The following BTF3 variants were observed in gnomAD, a reference collection of about 807,000 sequenced individuals.
BTF3 encodes the protein transcription factor BTF3.
Under a neutral mutation model 23.9 loss-of-function variants are expected in BTF3, and 12 were observed. The observed-to-expected ratio is 0.50, with a 90% CI of 0.32 to 0.81. BTF3 has a LOEUF of 0.81. BTF3 is among the 40% of genes least tolerant of loss of function. The pLI is 0.03. For synonymous variants in BTF3, 96 were observed against 94.8 expected, an observed-to-expected ratio of 1.01 and a Z score of -0.07; for missense variants, 215 against 255.9, an observed-to-expected ratio of 0.84 and a Z score of 1.09.
chr5:73,503,851 G>A (rs986942231), intron 4 of BTF3, among the ~76,000 whole-genome samples: 2 of 152,100 alleles, frequency 1.3e-5, no homozygotes, highest in African/African-American at 2.4e-5. Context: ...TCCTGTGTAC[G>A]TTCATATTCT....
intron 2 of BTF3, chr5:73,499,539 G>A (rs1213710616): frequency 1.0e-5 from 4 of 394,398 alleles, no homozygotes; most frequent in African/African-American, 8.3e-5. Flanking sequence ...GTTTTGGCCT[G>A]AGTTTTCTAA....
intron 3 of BTF3, 135 bp from the exon 4 acceptor site, chr5:73,502,781 A>T (rs960745487): frequency 2.2e-6 from 2 of 922,222 alleles, no homozygotes; most frequent in African/African-American, 3.3e-5. Context: ...CTATTAGAAT[A>T]CATATTCCAT....
intron 1 of BTF3, 135 bp downstream of exon 1, chr5:73,498,934 G>T: frequency 1.5e-6 from 2 of 1,377,496 alleles, no homozygotes; most frequent in Non-Finnish European, 1.9e-6. Flanking sequence ...AGAGCGGGGA[G>T]CTGTGGGGGA....
At chr5:73,499,906 A>G (rs1228775406) in intron 2 of BTF3, among the ~76,000 whole-genome samples, 1 of 152,304 alleles carries the variant, frequency 6.6e-6, no homozygotes, top group Non-Finnish European at 1.5e-5. Context: ...ACAGAGGTCT[A>G]CCTAGTTTGT....
At position 73,498,660 on chromosome 5, in the gene BTF3, G is replaced by A. The variant is rs760256228; in HGVS notation, c.-8G>A. 2.7e-6 allele frequency: 4 copies of A among 1,505,536 alleles called. No homozygotes were observed. The allele number at this position is 1,505,536 out of a possible 1,614,324, so 93.3% of individuals were successfully genotyped here. A position where few individuals can be genotyped will look rare whatever the true frequency, so the allele number is the denominator to read the frequency against. Reference sequence around the variant, plus strand: ...GGGAGGGACAGGGCAGAGGAGGAGAGGAAGGCGATGCGACGGACAGGCGCA... The same window carrying A: ...GGGAGGGACAGGGCAGAGGAGGAGAAGAAGGCGATGCGACGGACAGGCGCA... On this transcript the variant is annotated 5_prime_UTR_variant, in exon 1 of 6. Coordinates refer to ENST00000380591, the MANE Select transcript of BTF3 (RefSeq NM_001037637.2).
chr5:73,505,350 T>G lies in BTF3; in HGVS notation c.*112T>G. On this transcript the variant is annotated 3_prime_UTR_variant, in exon 6 of 6. Transcript: ENST00000380591. ...TTATGGATCTGATAAAATCTAGATC[T>G]CTAATATTTTTAAGCCCAAGCCCCT... The G allele has an allele frequency of 1.1e-6, 1 of 951,022 alleles. No homozygotes were observed. The highest frequency in any genetic ancestry group is 1.6e-6 in the Non-Finnish European group (1 of 640,082). 58.9% of individuals were successfully genotyped at this position (951,022 alleles called of 1,614,324 possible). A position where few individuals can be genotyped will look rare whatever the true frequency, so the allele number is the denominator to read the frequency against.
At chr5:73,498,885 G>C in intron 1 of BTF3, 86 bp downstream of exon 1, 1 of 1,479,008 alleles carries the variant, frequency 6.8e-7, no homozygotes, top group Non-Finnish European at 8.9e-7. Context: ...GGGGGGTGCT[G>C]GCCAGGCGTG....
At chr5:73,503,326 G>A (rs1256984917) in intron 4 of BTF3, among the ~76,000 whole-genome samples, 1 of 152,126 alleles carries the variant, frequency 6.6e-6, no homozygotes, top group Admixed American at 6.5e-5. Context: ...TGATTTTGTG[G>A]AATGTTTTCT....
Position 73,504,393 on chromosome 5 carries a change from T to A in BTF3, c.564T>A (p.Asp188Glu). Residue 188 changes from aspartate to glutamate, a missense_variant, in exon 5 of 6, where the codon GAT (aspartate) becomes GAA (glutamate). This residue lies in a region of BTF3 where 99 missense variants were observed against 171.2 expected (regional missense o/e 0.58). Coordinates refer to ENST00000380591, the MANE Select transcript of BTF3 (RefSeq NM_001037637.2). ...TTGCTACTGGAGAGGATGATGATGA[T>A]GAAGTTCCAGGTAGGAACGTTTACT... is the stretch of plus-strand genomic sequence containing the variant. ...APLATGEDDD[D>E]EVPDLVENFD... The A allele has an allele frequency of 6.3e-7, 1 of 1,599,556 alleles. No individual in the cohort carries two copies. The highest frequency in any genetic ancestry group is 8.5e-7 in the Non-Finnish European group (1 of 1,172,906).
At chr5:73,505,154 G>T in intron 5 of BTF3, 38 bp from the exon 6 acceptor site, 1 of 1,525,566 alleles carries the variant, frequency 6.6e-7, no homozygotes, top group South Asian at 1.1e-5. Flanking sequence ...TTGTAGATTT[G>T]GCTTTTTTAA....
chr5:73,501,729 T>A (rs1229803643), intron 2 of BTF3, among the ~76,000 whole-genome samples: 1 of 152,154 alleles, frequency 6.6e-6, no homozygotes, highest in East Asian at 1.9e-4. Flanking sequence ...CAGGACAGTT[T>A]GTGTAGGGCT....
chr5:73,503,273 C>G (rs902411653), intron 4 of BTF3, among the ~76,000 whole-genome samples, 156 bp downstream of exon 4: 1 of 152,166 alleles, frequency 6.6e-6, no homozygotes, highest in Admixed American at 6.5e-5. Flanking sequence ...TGTCCTTGCT[C>G]AAGTTTGCAG....
chr5:73,504,350 T>C lies in BTF3; in HGVS notation c.521T>C (p.Val174Ala). ...TGTTTACATTTTCCTTTCATAGCTG[T>C]GGATGGAAAAGCACCACTTGCTACT... ...RLAEALPKQSVDGKAPLATGE... is the reference protein window; with the variant it reads ...RLAEALPKQSADGKAPLATGE... Residue 174 changes from valine (V) to alanine (A), a missense_variant, in exon 5 of 6, where the codon GTG (valine) becomes GCG (alanine). Physicochemically the swap from Val to Ala is moderately conservative, Grantham distance 64. Transcript: ENST00000380591. 1 of 1,570,754 alleles carries C rather than the reference T, an allele frequency of 6.4e-7. No individual in the cohort carries two copies. The highest frequency in any genetic ancestry group is 8.6e-7 in the Non-Finnish European group (1 of 1,158,716).
Position 73,503,082 on chromosome 5 carries a change from G to GT in BTF3, c.485dup (p.Leu162PhefsTer25). The GT allele has an allele frequency of 6.2e-7, 1 of 1,614,026 alleles. No homozygotes were observed. The highest frequency in any genetic ancestry group is 8.5e-7 in the Non-Finnish European group (1 of 1,179,976). ...CAGCTTGGTGCGGATAGTCTGACTA[G>GT]TTTAAGGAGACTGGCCGAAGCTCTG... On this transcript the variant is annotated frameshift_variant, in exon 4 of 6. Coordinates refer to ENST00000380591, the MANE Select transcript of BTF3 (RefSeq NM_001037637.2). LOFTEE classifies it high-confidence loss of function.
chr5:73,504,361 G>A lies in BTF3; in HGVS notation c.532G>A (p.Ala178Thr), dbSNP rs12332640. The change falls in exon 5 of 6, where the codon GCA becomes ACA. Residue 178 changes from alanine to threonine, a missense_variant. Physicochemically the swap from Ala to Thr is moderately conservative, Grantham distance 58. Coordinates refer to ENST00000380591, the MANE Select transcript of BTF3 (RefSeq NM_001037637.2). ...ALPKQSVDGK[A>T]PLATGEDDDD... ...TCCTTTCATAGCTGTGGATGGAAAA[G>A]CACCACTTGCTACTGGAGAGGATGA... 6.5e-7 allele frequency: 1 copy of A among 1,541,238 alleles called. No homozygotes were observed. The highest frequency in any genetic ancestry group is 8.7e-7 in the Non-Finnish European group (1 of 1,144,282).
At chr5:73,499,479 G>A in intron 2 of BTF3, 2 of 492,354 alleles carry the variant, frequency 4.1e-6, no homozygotes, top group South Asian at 2.0e-5. Context: ...AATTAGTAAG[G>A]AAAATGTGTC....
chr5:73,504,928 A>T, intron 5 of BTF3: 1 of 366,506 alleles, frequency 2.7e-6, no homozygotes, highest in East Asian at 5.7e-5. Context: ...ATAGACAGGT[A>T]TCCTTAGGAA....
At position 73,504,410 on chromosome 5, in the gene BTF3, A is replaced by G. The variant is rs1361364540; in HGVS notation, c.574+7A>G. On this transcript the variant is annotated splice_region_variant and intron_variant, in intron 5 of 5. Coordinates refer to ENST00000380591, the MANE Select transcript of BTF3 (RefSeq NM_001037637.2). ...GATGATGATGAAGTTCCAGGTAGGAACGTTTACTTGTGGTTAACCTAGAGA... is the reference window on the plus strand; with the variant it reads ...GATGATGATGAAGTTCCAGGTAGGAGCGTTTACTTGTGGTTAACCTAGAGA... The G allele has an allele frequency of 1.9e-6, 3 of 1,600,942 alleles. No homozygotes were observed. Among genetic ancestry groups the G allele is most frequent in the Non-Finnish European group, 2.6e-6 (3 of 1,174,006 alleles).
chr5:73,498,709 G>A lies in BTF3; in HGVS notation c.42G>A (p.Gly14=), dbSNP rs1398260763. 3 of 1,489,304 alleles carry A rather than the reference G, an allele frequency of 2.0e-6. No homozygotes were observed. Among genetic ancestry groups the A allele is most frequent in the East Asian group, 2.7e-5 (1 of 37,726 alleles). The allele number at this position is 1,489,304 out of a possible 1,614,324, so 92.3% of individuals were successfully genotyped here. A position where few individuals can be genotyped will look rare whatever the true frequency, so the allele number is the denominator to read the frequency against. ...CACCCGCTCAGGCTGACTCTCGGGGGCGAGGTCGAGCCAGGGGCGGCTGCC... is the reference window on the plus strand; with the variant it reads ...CACCCGCTCAGGCTGACTCTCGGGGACGAGGTCGAGCCAGGGGCGGCTGCC... The part of the protein sequence containing the change: ...TGAPAQADSR[G]RGRARGGCPG... Residue 14 remains glycine, a synonymous_variant, in exon 1 of 6, where the codon GGG becomes GGA. Transcript: ENST00000380591.
Sources: allele counts gnomAD v4.1 joint callset (sites outside exome capture counted in the v4.1 genomes callset), GRCh38; gene constraint gnomAD v4.1.1; regional missense constraint gnomAD v4.1.1; transcripts MANE v1.5; gene names NCBI Gene and HGNC (gene_info 2026-07-23, HGNC 2026-07-21).